The following RASEF variants were observed in gnomAD, a reference collection of about 807,000 sequenced individuals.
RASEF encodes ras and EF-hand domain-containing protein.
In RASEF, 68 loss-of-function variants were observed where a neutral mutation model predicts 90.1. The ratio of observed to expected loss-of-function variants is 0.75; its 90% CI spans 0.62 to 0.92. The LOEUF is 0.92. Ranked by LOEUF, RASEF falls within the 40% of genes least tolerant of loss-of-function variation. The pLI, the probability that RASEF is intolerant of heterozygous loss-of-function variation, is 0.00. For synonymous variants in RASEF, 331 were observed against 345.2 expected, an observed-to-expected ratio of 0.96 and a Z score of 0.46; for missense variants, 949 against 937.2, an observed-to-expected ratio of 1.01 and a Z score of -0.16.
the RASEF span, among the ~76,000 whole-genome samples, chr9:83,133,794 AT>A: frequency 6.6e-6 from 1 of 152,258 alleles, no homozygotes; most frequent in Admixed American, 6.5e-5. Context: ...AATAATACTG[AT>A]TTTCCCCTTT....
chr9:83,124,889 A>C, the RASEF span, among the ~76,000 whole-genome samples: 1 of 152,038 alleles, frequency 6.6e-6, no homozygotes, highest in East Asian at 1.9e-4. Context: ...AGTTAGAAAA[A>C]ACCCCACAAC....
intron 1 of RASEF, chr9:83,048,644 G>A (rs971065316): frequency 2.2e-5 from 22 of 985,298 alleles, no homozygotes; most frequent in South Asian, 9.4e-5. Flanking sequence ...TAACACAGAC[G>A]TTCCTTGTTT....
the RASEF span, among the ~76,000 whole-genome samples, chr9:83,147,379 T>C: frequency 6.6e-6 from 1 of 152,200 alleles, no homozygotes; most frequent in South Asian, 2.1e-4. Flanking sequence ...GGTCGGCGCA[T>C]ATTAAAATTG....
At chr9:83,006,810 C>T (rs765667371) in intron 7 of RASEF, among the ~76,000 whole-genome samples, 12 of 152,132 alleles carry the variant, frequency 7.9e-5, no homozygotes, top group South Asian at 2.1e-4. Flanking sequence ...ACTCAGGGTA[C>T]GGGCCGGGCG....
chr9:83,070,804 A>G, the RASEF span, among the ~76,000 whole-genome samples: 4 of 152,140 alleles, frequency 2.6e-5, no homozygotes, highest in Admixed American at 6.5e-5. Flanking sequence ...TCTCTCAACA[A>G]TGTTGAGTAG....
At chr9:83,171,592 CT>C in the RASEF span, among the ~76,000 whole-genome samples, 1 of 151,672 alleles carries the variant, frequency 6.6e-6, no homozygotes, top group Non-Finnish European at 1.5e-5. Context: ...ATTTTTATTA[CT>C]GTTTCTTTTT....
chr9:83,003,193 G>A (rs906810278), intron 9 of RASEF, among the ~76,000 whole-genome samples: 3 of 152,034 alleles, frequency 2.0e-5, no homozygotes, highest in Non-Finnish European at 4.4e-5. Flanking sequence ...AAAATAAAAT[G>A]TTATCTTCTT....
At chr9:83,215,842 T>C in the RASEF span, among the ~76,000 whole-genome samples, 2 of 152,248 alleles carry the variant, frequency 1.3e-5, no homozygotes, top group East Asian at 3.9e-4. Context: ...GACAGGAAGA[T>C]ATGGGAAAGT....
In RASEF at chr9:83,035,111, G is replaced by A. The variant is rs963844651; in HGVS notation, c.432-9190C>T. Among the ~76,000 whole-genome samples, 6 of 152,176 alleles carry A rather than the reference G, an allele frequency of 3.9e-5. 1 individual carries two copies. The South Asian group carries it at 1.2e-3, about 32-fold the overall frequency. ...TGGCAGTACTCTGGGAACTGAAAAG[G>A]GACAATTAAATTAGGTCATGTTCAA... On this transcript the variant is annotated intron_variant, in intron 1 of 16. Coordinates refer to ENST00000376447, the MANE Select transcript of RASEF (RefSeq NM_152573.4).
chr9:83,005,820 A>T (rs10780565), intron 7 of RASEF, among the ~76,000 whole-genome samples: 77,212 of 152,002 alleles, frequency 0.51, 19,786 homozygotes, highest in East Asian at 0.73. Flanking sequence ...AGCTCCCTAA[A>T]TGCCTGAACC....
chr9:83,160,949 G>A, the RASEF span, among the ~76,000 whole-genome samples: 75 of 152,332 alleles, frequency 4.9e-4, no homozygotes, highest in African/African-American at 1.7e-3. Flanking sequence ...TAGGTGCACA[G>A]AAGTCAAGAA....
chr9:83,063,433 G>A (rs1261883053), upstream of RASEF, among the ~76,000 whole-genome samples: 1 of 152,244 alleles, frequency 6.6e-6, no homozygotes, highest in Non-Finnish European at 1.5e-5. Flanking sequence ...GTAGGGGTAG[G>A]ATTCCGAATG....
the RASEF span, among the ~76,000 whole-genome samples, chr9:83,111,186 A>T: frequency 1.3e-5 from 2 of 151,638 alleles, no homozygotes; most frequent in African/African-American, 4.9e-5. Context: ...ATAACATTTA[A>T]AACTCAATTG....
At chr9:83,117,718 C>G in the RASEF span, among the ~76,000 whole-genome samples, 1 of 152,108 alleles carries the variant, frequency 6.6e-6, no homozygotes, top group South Asian at 2.1e-4. Context: ...TACATTTTTC[C>G]CCAAAATGTG....
the RASEF span, among the ~76,000 whole-genome samples, chr9:83,143,062 G>C: frequency 3.5e-3 from 537 of 152,274 alleles, 1 homozygote; most frequent in African/African-American, 0.012. Context: ...CAGGTATTAA[G>C]TGACTGTTAT....
At chr9:83,084,111 A>G in the RASEF span, among the ~76,000 whole-genome samples, 1 of 152,204 alleles carries the variant, frequency 6.6e-6, no homozygotes, top group African/African-American at 2.4e-5. Context: ...GATGTAAAAG[A>G]CACAGAGATA....
chr9:83,170,213 C>A, the RASEF span, among the ~76,000 whole-genome samples: 4 of 151,878 alleles, frequency 2.6e-5, no homozygotes, highest in Admixed American at 2.0e-4. Context: ...TTATTGGCAC[C>A]TTTGTCAAAA....
the RASEF span, among the ~76,000 whole-genome samples, chr9:83,164,550 T>TA: frequency 1.3e-5 from 2 of 148,450 alleles, no homozygotes; most frequent in African/African-American, 4.9e-5. Flanking sequence ...TTTTAAAAGT[T>TA]AAAGAAATGA....
the RASEF span, among the ~76,000 whole-genome samples, chr9:83,089,895 TA>T: frequency 2.2e-4 from 4 of 18,436 alleles, no homozygotes; most frequent in African/African-American, 5.9e-4. Flanking sequence ...AGATAGATGA[TA>T]GATAGATAGA....
Sources: allele counts gnomAD v4.1 joint callset (sites outside exome capture counted in the v4.1 genomes callset), GRCh38; gene constraint gnomAD v4.1.1; transcripts MANE v1.5; gene names NCBI Gene and HGNC (gene_info 2026-07-23, HGNC 2026-07-21).